Variants in NR5A1 observed in about 807,000 individuals in gnomAD.
The protein encoded by NR5A1 is steroidogenic factor 1.
Under a neutral mutation model 42.7 loss-of-function variants are expected in NR5A1, and 6 were observed. That is an observed-to-expected ratio of 0.14 (90% CI 0.08 to 0.28). The LOEUF is 0.28. Among genes scored for constraint, NR5A1 ranks in the 10% least tolerant of loss-of-function variants. The pLI, the probability that NR5A1 is intolerant of heterozygous loss-of-function variation, is 1.00. For synonymous variants in NR5A1, 274 were observed against 277.5 expected (o/e 0.99, Z 0.12); for missense variants, 442 against 626.4 (o/e 0.71, Z 3.14).
intron 6 of NR5A1, 61 bp downstream of exon 6, chr9:124,491,020 C>T: frequency 1.9e-6 from 1 of 519,490 alleles, no homozygotes; most frequent in Non-Finnish European, 3.4e-6. Context: ...CAGCCTCACC[C>T]ACCCTCCCAC....
chr9:124,489,825 G>A (rs1368607767), intron 6 of NR5A1, among the ~76,000 whole-genome samples: 1 of 150,630 alleles, frequency 6.6e-6, no homozygotes, highest in Non-Finnish European at 1.5e-5. Context: ...GCTTAAGGTG[G>A]CCTTGCAGAT....
In NR5A1 at chr9:124,503,447, G is replaced by C; in HGVS notation, c.-15-37C>G. On this transcript the variant is annotated intron_variant, in intron 1 of 6. Transcript: ENST00000373588. The surrounding 1 kb of genome is among the most constrained non-coding windows in gnomAD (Gnocchi z 9.6). ...CAGCGGGTCAGGGAGGGCCGGCGGA[G>C]ACCGGCAGCCTGGGGTCCCCGCGGC... 6.5e-7 allele frequency: 1 copy of C among 1,538,780 alleles called. No individual in the cohort carries two copies. The highest frequency in any genetic ancestry group is 8.8e-7 in the Non-Finnish European group (1 of 1,137,150).
Position 124,482,372 on chromosome 9 carries a change from A to G in NR5A1, c.*386T>C. On this transcript the variant is annotated 3_prime_UTR_variant, in exon 7 of 7. Transcript: ENST00000373588. The stretch of plus-strand genomic sequence containing the variant: ...CCCTGTCTGTTTCCAGGAGAGGAGG[A>G]AGGGATGACCTCTGATCCAAGGGAC... 3.1e-6 allele frequency: 1 copy of G among 322,770 alleles called. No homozygotes were observed. Among genetic ancestry groups the G allele is most frequent in the Non-Finnish European group, 6.1e-6 (1 of 165,012 alleles). 20.0% of individuals were successfully genotyped at this position (322,770 alleles called of 1,614,324 possible).
intron 6 of NR5A1, 66 bp downstream of exon 6, chr9:124,491,015 T>TCCGCCC: frequency 7.9e-6 from 5 of 634,816 alleles, no homozygotes; most frequent in Non-Finnish European, 1.4e-5. Flanking sequence ...CTCTCCAGCC[T>TCCGCCC]CACCCACCCT....
chr9:124,483,254 C>T (rs1377721713), intron 6 of NR5A1, among the ~76,000 whole-genome samples: 1 of 152,220 alleles, frequency 6.6e-6, no homozygotes, highest in Non-Finnish European at 1.5e-5. Flanking sequence ...ATGAACATGG[C>T]CACCGCCACC....
chr9:124,481,408 GTGCC>G lies in NR5A1; in HGVS notation c.*1346_*1349del, dbSNP rs1832126274. The G allele has an allele frequency of 2.0e-5, 3 of 152,168 alleles. No individual in the cohort carries two copies. In the South Asian group the frequency reaches 6.2e-4, roughly 32 times the overall value. 9.4% of individuals were successfully genotyped at this position (152,168 alleles called of 1,614,324 possible). On this transcript the variant is annotated 3_prime_UTR_variant, in exon 7 of 7. Coordinates refer to ENST00000373588, the MANE Select transcript of NR5A1 (RefSeq NM_004959.5). ...GGGAGGCGGGAGGCAGGAGGCAGGG[GTGCC>G]CAGTCTCCTCCAACTGGGCAGGCTC...
rs1331550957 is a variant in NR5A1 at position 124,500,968 on chromosome 9, C to T, written c.245-253G>A. The T allele has an allele frequency of 5.6e-6, 4 of 719,084 alleles. No homozygotes were observed. The Admixed American group carries it at 8.0e-5, about 14-fold the overall frequency. The allele number at this position is 719,084 out of a possible 1,614,324, so 44.5% of individuals were successfully genotyped here. ...CTCACCTCCACTCCTCTGTTTGACACATCTCCTTCCTCCTCCACCCTGCCT... is the reference window on the plus strand; with the variant it reads ...CTCACCTCCACTCCTCTGTTTGACATATCTCCTTCCTCCTCCACCCTGCCT... On this transcript the variant is annotated intron_variant, in intron 3 of 6. Transcript: ENST00000373588. This position sits in a 1 kb window ranked among gnomAD's most constrained non-coding sequence, Gnocchi z 6.9.
intron 6 of NR5A1, among the ~76,000 whole-genome samples, chr9:124,488,204 C>T (rs10818978): frequency 0.58 from 87,528 of 151,130 alleles, 26,351 homozygotes; most frequent in African/African-American, 0.74. Flanking sequence ...GCCCCCACCC[C>T]CCGGAAGCCT....
At chr9:124,505,502 C>G (rs1832543457) in intron 1 of NR5A1, among the ~76,000 whole-genome samples, 1 of 152,220 alleles carries the variant, frequency 6.6e-6, no homozygotes, top group Non-Finnish European at 1.5e-5. Flanking sequence ...ACCGCTCTTC[C>G]TCGCTAAGGG....
chr9:124,491,067 G>A lies in NR5A1; in HGVS notation c.1138+14C>T. 7.7e-7 allele frequency: 1 copy of A among 1,306,116 alleles called. No homozygotes were observed. The highest frequency in any genetic ancestry group is 1.0e-6 in the Non-Finnish European group (1 of 996,946). 80.9% of individuals were successfully genotyped at this position (1,306,116 alleles called of 1,614,324 possible). ...TGGCTGTCTCCACCTCTCTGTCACT[G>A]GAGCTGCACTCACCCAGGCTGAAGA... On this transcript the variant is annotated intron_variant, in intron 6 of 6. Coordinates refer to ENST00000373588, the MANE Select transcript of NR5A1 (RefSeq NM_004959.5).
At chr9:124,487,326 G>A (rs1832229609) in intron 6 of NR5A1, among the ~76,000 whole-genome samples, 1 of 152,274 alleles carries the variant, frequency 6.6e-6, no homozygotes, top group Admixed American at 6.5e-5. Context: ...TGCTATTCAG[G>A]CCGCCTTTTG....
Position 124,503,467 on chromosome 9 carries a change from C to T in NR5A1, c.-15-57G>A. Reference sequence around the variant, plus strand: ...GCGGAGACCGGCAGCCTGGGGTCCCCGCGGCCGCCGCCCCAGCCGCTGTCG... The same window carrying T: ...GCGGAGACCGGCAGCCTGGGGTCCCTGCGGCCGCCGCCCCAGCCGCTGTCG... On this transcript the variant is annotated intron_variant, in intron 1 of 6. Transcript: ENST00000373588. The surrounding 1 kb of genome is among the most constrained non-coding windows in gnomAD (Gnocchi z 9.6). 1.4e-6 allele frequency: 2 copies of T among 1,421,530 alleles called. No individual in the cohort carries two copies. The highest frequency in any genetic ancestry group is 1.3e-5 in the South Asian group (1 of 78,622). 88.1% of individuals were successfully genotyped at this position (1,421,530 alleles called of 1,614,324 possible).
At chr9:124,495,706 T>C (rs1012827579) in intron 4 of NR5A1, among the ~76,000 whole-genome samples, 3 of 151,934 alleles carry the variant, frequency 2.0e-5, no homozygotes, top group Non-Finnish European at 4.4e-5. Flanking sequence ...GGAGGAGCGA[T>C]AAGGGGTAGA....
rs1554721427 is a variant in NR5A1 at position 124,496,207 on chromosome 9, C to CAA, written c.871-3060_871-3059dup. 2.0e-5 allele frequency among the ~76,000 whole-genome samples: 3 copies of CAA among 151,528 alleles called. No homozygotes were observed. Among genetic ancestry groups the CAA allele is most frequent in the Admixed American group, 6.6e-5 (1 of 15,226 alleles). On this transcript the variant is annotated intron_variant, in intron 4 of 6. Transcript: ENST00000373588. This position sits in a 1 kb window ranked among gnomAD's most constrained non-coding sequence, Gnocchi z 5.0. ...GCGCACACACACACACACACACACA[C>CAA]AACCTCTTTTTATTTAAAAGAAAAC...
intron 1 of NR5A1, among the ~76,000 whole-genome samples, chr9:124,506,239 G>A (rs563920801): frequency 6.6e-6 from 1 of 152,358 alleles, no homozygotes; most frequent in Admixed American, 6.5e-5. Context: ...TCTCTGAAAC[G>A]AGAGCCTCAG....
rs1832342118 is a variant in NR5A1 at position 124,493,156 on chromosome 9, G to C, written c.871-7C>G. The C allele has an allele frequency of 6.2e-7, 1 of 1,610,306 alleles. No homozygotes were observed. Among genetic ancestry groups the C allele is most frequent in the Non-Finnish European group, 8.5e-7 (1 of 1,178,312 alleles). On this transcript the variant is annotated splice_region_variant and splice_polypyrimidine_tract_variant and intron_variant, in intron 4 of 6. Transcript: ENST00000373588. Reference sequence around the variant, plus strand: ...GCGTCATCTGGTCGGCCACCTGGAAGGAAGAGGCACGCGGGGGGCCGGGCT... The same window carrying C: ...GCGTCATCTGGTCGGCCACCTGGAACGAAGAGGCACGCGGGGGGCCGGGCT...
At position 124,481,711 on chromosome 9, in the gene NR5A1, G is replaced by T. The variant is rs887468058; in HGVS notation, c.*1047C>A. 1 of 152,198 alleles carries T rather than the reference G, an allele frequency of 6.6e-6. No homozygotes were observed. The highest frequency in any genetic ancestry group is 2.4e-5 in the African/African-American group (1 of 41,422). 9.4% of individuals were successfully genotyped at this position (152,198 alleles called of 1,614,324 possible). On this transcript the variant is annotated 3_prime_UTR_variant, in exon 7 of 7. Coordinates refer to ENST00000373588, the MANE Select transcript of NR5A1 (RefSeq NM_004959.5). The stretch of plus-strand genomic sequence containing the variant: ...CTTGCATTCCCACCCACAGAGACCT[G>T]AAGCCCCCAACAGGGCATCCTGCTG...
rs550442358 is a variant in NR5A1 at position 124,498,785 on chromosome 9, C to T, written c.870+1305G>A. 2.8e-3 allele frequency among the ~76,000 whole-genome samples: 432 copies of T among 152,306 alleles called. 2 individuals are homozygous for T. The highest frequency in any genetic ancestry group is 9.4e-3 in the African/African-American group (392 of 41,548). ...ACCCCATGACAGACACATGGTACAT[C>T]CCCAGGCCTCAGCCATGACAGGCGC... On this transcript the variant is annotated intron_variant, in intron 4 of 6. Transcript: ENST00000373588. The surrounding 1 kb of genome is among the most constrained non-coding windows in gnomAD (Gnocchi z 4.6).
chr9:124,483,403 G>T (rs915032), intron 6 of NR5A1, among the ~76,000 whole-genome samples: 2 of 152,132 alleles, frequency 1.3e-5, no homozygotes, highest in East Asian at 1.9e-4. Context: ...TGAACCTCTC[G>T]GTCCCCCATC....
Sources: gnomAD v4.1 joint callset for allele counts (sites outside exome capture counted in the v4.1 genomes callset) on GRCh38, gnomAD v4.1.1 for gene constraint, Gnocchi (gnomAD v3.1) non-coding constraint, MANE v1.5 for transcripts, NCBI Gene and HGNC (gene_info 2026-07-23, HGNC 2026-07-21) for gene names.